The following PRTG variants were observed in gnomAD, a reference collection of about 807,000 sequenced individuals.
PRTG encodes protogenin.
In PRTG, 67 loss-of-function variants were observed where a neutral mutation model predicts 122.5. The ratio of observed to expected loss-of-function variants is 0.55; its 90% CI spans 0.45 to 0.67. The LOEUF (loss-of-function observed/expected upper bound fraction) is 0.67. Ranked by LOEUF, PRTG falls within the 30% of genes least tolerant of loss-of-function variation. PRTG has a pLI of 0.00. For missense variants in PRTG, 1,435 were observed against 1,415.4 expected (o/e 1.01, Z -0.22); for synonymous variants, 554 against 501.1 (o/e 1.11, Z -1.41).
chr15:55,616,790 T>G lies in PRTG; in HGVS notation c.*3222A>C, dbSNP rs2059143693. The G allele has an allele frequency of 6.6e-6, 1 of 152,178 alleles. No homozygotes were observed. The highest frequency in any genetic ancestry group is 2.4e-5 in the African/African-American group (1 of 41,466). 9.4% of individuals were successfully genotyped at this position (152,178 alleles called of 1,614,324 possible). On this transcript the variant is annotated 3_prime_UTR_variant, in exon 20 of 20. Transcript: ENST00000389286. ...AAATACCAATATAATTGTATTGCTTTTAATTATGTAAACTTAGCCCTTTGA... is the reference window on the plus strand; with the variant it reads ...AAATACCAATATAATTGTATTGCTTGTAATTATGTAAACTTAGCCCTTTGA...
intron 11 of PRTG, among the ~76,000 whole-genome samples, chr15:55,664,582 T>A (rs964896054): frequency 2.0e-5 from 3 of 151,850 alleles, no homozygotes; most frequent in Admixed American, 6.6e-5. Context: ...AATTTAGAAA[T>A]TTTTTTTTGT....
intron 1 of PRTG, chr15:55,742,274 C>G (rs1225196962): frequency 6.6e-6 from 1 of 152,418 alleles, no homozygotes; most frequent in Non-Finnish European, 1.5e-5. Flanking sequence ...CTGGCTGGAT[C>G]CAGATCCGGC....
intron 2 of PRTG, among the ~76,000 whole-genome samples, chr15:55,685,919 C>T (rs2059568063): frequency 6.6e-6 from 1 of 152,148 alleles, no homozygotes; most frequent in Admixed American, 6.6e-5. Context: ...CAACCACTTA[C>T]AATGGTGTTT....
At chr15:55,630,462 G>T (rs893125134) in intron 15 of PRTG, among the ~76,000 whole-genome samples, 5 of 152,146 alleles carry the variant, frequency 3.3e-5, no homozygotes, top group African/African-American at 4.8e-5. Flanking sequence ...AAACAGGGAA[G>T]AAAATGCACA....
intron 11 of PRTG, among the ~76,000 whole-genome samples, chr15:55,666,725 T>G (rs2059441349): frequency 6.6e-6 from 1 of 152,218 alleles, no homozygotes; most frequent in South Asian, 2.1e-4. Flanking sequence ...AATACATTGC[T>G]CTCCTGGGAG....
At chr15:55,652,415 T>C (rs1186274023) in intron 11 of PRTG, among the ~76,000 whole-genome samples, 1 of 152,214 alleles carries the variant, frequency 6.6e-6, no homozygotes, top group Admixed American at 6.5e-5. Context: ...TAATCTTTTG[T>C]GCTACAAGGT....
chr15:55,638,719 T>C (rs1239258986), intron 13 of PRTG, 43 bp from the exon 14 acceptor site: 1 of 1,561,940 alleles, frequency 6.4e-7, no homozygotes, highest in African/African-American at 1.4e-5. Flanking sequence ...GGTAGTATAA[T>C]ATTGTTTGTA....
intron 11 of PRTG, among the ~76,000 whole-genome samples, chr15:55,670,641 C>T (rs2059464204): frequency 6.6e-6 from 1 of 151,998 alleles, no homozygotes; most frequent in African/African-American, 2.4e-5. Flanking sequence ...TGGCTCACGC[C>T]TGTAATCCCA....
chr15:55,631,724 T>G (rs991539752), intron 15 of PRTG, among the ~76,000 whole-genome samples: 2 of 152,234 alleles, frequency 1.3e-5, no homozygotes, highest in Non-Finnish European at 2.9e-5. Context: ...AATCTCGTCA[T>G]GTAACCAAGC....
rs2059144708 is a variant in PRTG at position 55,617,046 on chromosome 15, C to T, written c.*2966G>A. The T allele has an allele frequency of 1.3e-5, 2 of 151,944 alleles. No homozygotes were observed. The highest frequency in any genetic ancestry group is 2.9e-5 in the Non-Finnish European group (2 of 67,946). 9.4% of individuals were successfully genotyped at this position (151,944 alleles called of 1,614,324 possible). On this transcript the variant is annotated 3_prime_UTR_variant, in exon 20 of 20. Coordinates refer to ENST00000389286, the MANE Select transcript of PRTG (RefSeq NM_173814.6). Reference sequence around the variant, plus strand: ...AATAGTTACCATTTGCATATTAGCCCCTTTGAAGTACAATACCATGAAGTA... The same window carrying T: ...AATAGTTACCATTTGCATATTAGCCTCTTTGAAGTACAATACCATGAAGTA...
intron 2 of PRTG, among the ~76,000 whole-genome samples, chr15:55,731,536 AAT>A (rs1165356996): frequency 6.6e-6 from 1 of 151,610 alleles, no homozygotes; most frequent in Non-Finnish European, 1.5e-5. Flanking sequence ...ACACCCAGAT[AAT>A]GTTTGTATTT....
At chr15:55,653,068 T>A (rs1353015979) in intron 11 of PRTG, among the ~76,000 whole-genome samples, 1 of 152,230 alleles carries the variant, frequency 6.6e-6, no homozygotes, top group Non-Finnish European at 1.5e-5. Context: ...TTTTTCACTT[T>A]GTTTGCATTA....
rs8034113 is a variant in PRTG at position 55,663,666 on chromosome 15, G to A, written c.2041+8779C>T. Among the ~76,000 whole-genome samples the A allele has an allele frequency of 3.3e-5, 5 of 151,732 alleles. No individual in the cohort carries two copies. In the East Asian group the frequency reaches 7.8e-4, roughly 24 times the overall value. On this transcript the variant is annotated intron_variant, in intron 11 of 19. Coordinates refer to ENST00000389286, the MANE Select transcript of PRTG (RefSeq NM_173814.6). ...AAGTGATTCTCCCGCCTCAGCCTCC[G>A]AAGCAGCTGGGATTACAGGTACCAG...
chr15:55,708,784 T>C lies in PRTG; in HGVS notation c.398-24853A>G, dbSNP rs181127766. 3.1e-3 allele frequency among the ~76,000 whole-genome samples: 476 copies of C among 152,228 alleles called. 7 individuals are homozygous for C. The highest frequency in any genetic ancestry group is 3.0e-3 in the Non-Finnish European group (207 of 68,016). On this transcript the variant is annotated intron_variant, in intron 2 of 19. Transcript: ENST00000389286. ...AGGGTTATTTCAAAGTGATTCCTAC[T>C]GAGGCTGTGATATACTTTTTTTTAA...
chr15:55,697,964 G>A (rs2059640913), intron 2 of PRTG, among the ~76,000 whole-genome samples: 1 of 152,116 alleles, frequency 6.6e-6, no homozygotes, highest in Non-Finnish European at 1.5e-5. Context: ...AAACACCATT[G>A]ATTCTTCTCC....
At chr15:55,649,234 T>C (rs1383118997) in intron 11 of PRTG, among the ~76,000 whole-genome samples, 2 of 152,206 alleles carry the variant, frequency 1.3e-5, no homozygotes, top group African/African-American at 2.4e-5. Context: ...AGAGACAGCC[T>C]AGCATAGTGG....
At chr15:55,687,211 C>T (rs761703344) in intron 2 of PRTG, among the ~76,000 whole-genome samples, 4 of 152,142 alleles carry the variant, frequency 2.6e-5, no homozygotes, top group Admixed American at 6.5e-5. Context: ...AATACCAAGA[C>T]GGGGTGAGAA....
intron 2 of PRTG, among the ~76,000 whole-genome samples, chr15:55,708,903 G>A (rs12915673): frequency 6.6e-6 from 1 of 151,996 alleles, no homozygotes; most frequent in South Asian, 2.1e-4. Context: ...CCAGCACTTT[G>A]GGAGTCCGAG....
chr15:55,615,707 T>A lies in PRTG; in HGVS notation c.*4305A>T, dbSNP rs1472762902. On this transcript the variant is annotated 3_prime_UTR_variant, in exon 20 of 20. Coordinates refer to ENST00000389286, the MANE Select transcript of PRTG (RefSeq NM_173814.6). ...ACACATGTGCAGTCTTAGTGACTGT[T>A]TCAATATAACTGGAGTTTTTTTTTT... The A allele has an allele frequency of 1.3e-5, 2 of 152,090 alleles. No individual in the cohort carries two copies. The highest frequency in any genetic ancestry group is 2.9e-5 in the Non-Finnish European group (2 of 67,996). The allele number at this position is 152,090 out of a possible 1,614,324, so 9.4% of individuals were successfully genotyped here.
Sources: gnomAD v4.1 joint callset for allele counts (sites outside exome capture counted in the v4.1 genomes callset) on GRCh38, gnomAD v4.1.1 for gene constraint, MANE v1.5 for transcripts, NCBI Gene and HGNC (gene_info 2026-07-23, HGNC 2026-07-21) for gene names.